NYAP2: variants seen among roughly 807,000 people sequenced by gnomAD.
NYAP2 encodes neuronal tyrosine-phosphorylated phosphoinositide-3-kinase adaptor 2.
In NYAP2, 23 loss-of-function variants were observed where a neutral mutation model predicts 50.4. The observed-to-expected ratio is 0.46, with a 90% CI of 0.33 to 0.65. The LOEUF is 0.65. Ranked by LOEUF, NYAP2 falls within the 30% of genes least tolerant of loss-of-function variation. The pLI is 0.02. For synonymous variants in NYAP2, 394 were observed against 365.2 expected, an observed-to-expected ratio of 1.08 and a Z score of -0.90; for missense variants, 885 against 861.0, an observed-to-expected ratio of 1.03 and a Z score of -0.35.
At chr2:225,420,657 G>C (rs1267200461) in intron 3 of NYAP2, among the ~76,000 whole-genome samples, 1 of 151,004 alleles carries the variant, frequency 6.6e-6, no homozygotes, top group African/African-American at 2.4e-5. Flanking sequence ...TGCCACCCAG[G>C]CTGAGTGCAG....
At chr2:225,519,977 G>A (rs2106190305) in intron 4 of NYAP2, among the ~76,000 whole-genome samples, 1 of 152,274 alleles carries the variant, frequency 6.6e-6, no homozygotes, top group Non-Finnish European at 1.5e-5. Flanking sequence ...ACTGGTGTGA[G>A]ATGGTATCTC....
At chr2:225,697,844 T>C in the NYAP2 span, among the ~76,000 whole-genome samples, 2 of 151,968 alleles carry the variant, frequency 1.3e-5, no homozygotes, top group East Asian at 3.9e-4. Flanking sequence ...CATTCTTTTA[T>C]TTTTGTTTTG....
chr2:225,666,723 T>A, the NYAP2 span, among the ~76,000 whole-genome samples: 1 of 152,084 alleles, frequency 6.6e-6, no homozygotes, highest in Non-Finnish European at 1.5e-5. Context: ...ATGACAAATG[T>A]TTCTTATTTG....
chr2:225,530,507 T>C (rs1301350821), intron 4 of NYAP2, among the ~76,000 whole-genome samples: 3 of 152,216 alleles, frequency 2.0e-5, no homozygotes, highest in Non-Finnish European at 4.4e-5. Context: ...AATCCCATGC[T>C]CCTTGGCTTT....
At chr2:225,416,568 A>G (rs1283787324) in intron 3 of NYAP2, among the ~76,000 whole-genome samples, 1 of 152,176 alleles carries the variant, frequency 6.6e-6, no homozygotes, top group East Asian at 1.9e-4. Context: ...TATTAATAAT[A>G]GAGACAATCC....
chr2:225,626,854 TGAAAGTAA>T, intron 5 of NYAP2, 55 bp from the exon 6 acceptor site: 2 of 1,266,714 alleles, frequency 1.6e-6, no homozygotes, highest in Admixed American at 4.3e-5. Flanking sequence ...ACTAATTTTT[TGAAAGTAA>T]TTTAGGAAGA....
chr2:225,531,262 C>G (rs1389032837), intron 4 of NYAP2, among the ~76,000 whole-genome samples: 2 of 152,292 alleles, frequency 1.3e-5, no homozygotes, highest in Non-Finnish European at 1.5e-5. Flanking sequence ...CTTGTTCCTG[C>G]CTCTGTGCCC....
chr2:225,432,615 T>C (rs1187026137), intron 3 of NYAP2, among the ~76,000 whole-genome samples: 1 of 152,116 alleles, frequency 6.6e-6, no homozygotes, highest in Non-Finnish European at 1.5e-5. Context: ...TTATATCTAA[T>C]TCTGCTCTGT....
chr2:225,563,249 G>A (rs950355648), intron 4 of NYAP2, among the ~76,000 whole-genome samples: 7 of 152,052 alleles, frequency 4.6e-5, no homozygotes, highest in South Asian at 4.1e-4. Flanking sequence ...TTCCAAAGAA[G>A]ATTATTCTTA....
At chr2:225,555,418 A>G (rs1410206088) in intron 4 of NYAP2, among the ~76,000 whole-genome samples, 1 of 152,154 alleles carries the variant, frequency 6.6e-6, no homozygotes, top group Non-Finnish European at 1.5e-5. Flanking sequence ...TAGAGTTGCC[A>G]TCACAACCGA....
At chr2:225,509,109 A>T (rs1690763950) in intron 3 of NYAP2, among the ~76,000 whole-genome samples, 1 of 152,070 alleles carries the variant, frequency 6.6e-6, no homozygotes, top group Non-Finnish European at 1.5e-5. Flanking sequence ...TCCATCATTC[A>T]TCCTAAATTC....
intron 4 of NYAP2, among the ~76,000 whole-genome samples, chr2:225,534,397 AC>A (rs1691311276): frequency 6.6e-6 from 1 of 152,238 alleles, no homozygotes; most frequent in Admixed American, 6.5e-5. Flanking sequence ...TTTATTGAGC[AC>A]CTACTACGGG....
chr2:225,496,107 G>T (rs565757504), intron 3 of NYAP2, among the ~76,000 whole-genome samples: 23 of 152,320 alleles, frequency 1.5e-4, no homozygotes, highest in African/African-American at 5.1e-4. Context: ...ACACAGAAAA[G>T]ATTGCAAGAC....
rs768751831 is a variant in NYAP2 at position 225,582,850 on chromosome 2, G to C, written c.1433G>C (p.Arg478Thr). The C allele has an allele frequency of 1.2e-6, 2 of 1,613,820 alleles. No individual in the cohort carries two copies. The highest frequency in any genetic ancestry group is 1.7e-6 in the Non-Finnish European group (2 of 1,179,880). ...CCTTCAGTGCCTCACTCGACCCCCA[G>C]ACCCGTGTCGCAAGATGGGGCCAAG... is the stretch of plus-strand genomic sequence containing the variant. Residue 478 changes from arginine (R) to threonine (T), a missense_variant, in exon 5 of 7, where the codon AGA (arginine) becomes ACA (threonine). Physicochemically the swap from Arg to Thr is moderately conservative, Grantham distance 71 (BLOSUM62 -1). Coordinates refer to ENST00000636099, the Ensembl canonical transcript of NYAP2. The surrounding 1 kb of genome is among the most constrained non-coding windows in gnomAD (Gnocchi z 7.0).
the NYAP2 span, among the ~76,000 whole-genome samples, chr2:225,669,141 G>C: frequency 6.6e-6 from 1 of 151,982 alleles, no homozygotes; most frequent in Non-Finnish European, 1.5e-5. Flanking sequence ...GAAGTTGGCT[G>C]TTCTTTTACA....
chr2:225,695,653 CA>C, the NYAP2 span, among the ~76,000 whole-genome samples: 1 of 151,512 alleles, frequency 6.6e-6, no homozygotes, highest in Admixed American at 6.6e-5. Context: ...TGTAGTTACT[CA>C]ATAAATTTTT....
intron 3 of NYAP2, among the ~76,000 whole-genome samples, chr2:225,472,197 G>A (rs542455172): frequency 6.6e-6 from 1 of 152,224 alleles, no homozygotes; most frequent in Non-Finnish European, 1.5e-5. Flanking sequence ...TGCTTCTCAA[G>A]AAGAAAAAAA....
the NYAP2 span, among the ~76,000 whole-genome samples, chr2:225,686,303 T>C: frequency 6.6e-6 from 1 of 152,200 alleles, no homozygotes; most frequent in African/African-American, 2.4e-5. Context: ...TGAAATTTCA[T>C]TCTCTAAAAT....
At chr2:225,678,717 A>T in the NYAP2 span, among the ~76,000 whole-genome samples, 27 of 152,274 alleles carry the variant, frequency 1.8e-4, no homozygotes, top group Non-Finnish European at 2.6e-4. Flanking sequence ...TACAAGGTTG[A>T]GGGGCCAAGA....
Sources: allele counts gnomAD v4.1 joint callset (sites outside exome capture counted in the v4.1 genomes callset), GRCh38; gene constraint gnomAD v4.1.1; non-coding constraint Gnocchi (gnomAD v3.1); transcripts MANE v1.5; gene names NCBI Gene and HGNC (gene_info 2026-07-23, HGNC 2026-07-21).